Variants in MAGI2 observed in about 807,000 individuals in gnomAD.
The protein encoded by MAGI2 is membrane-associated guanylate kinase, WW and PDZ domain-containing protein 2.
Under a neutral mutation model 133.3 loss-of-function variants are expected in MAGI2, and 35 were observed. The observed-to-expected ratio is 0.26, with a 90% CI of 0.20 to 0.35. The LOEUF (loss-of-function observed/expected upper bound fraction) is 0.35. Among genes scored for constraint, MAGI2 ranks in the 10% least tolerant of loss-of-function variants. The probability of loss-of-function intolerance (pLI) is 1.00; values close to 1 mark genes in which losing one functional copy is unlikely to be tolerated. For missense variants in MAGI2, 1,636 were observed against 1,863.4 expected, an observed-to-expected ratio of 0.88 and a Z score of 2.25; for synonymous variants, 729 against 710.6, an observed-to-expected ratio of 1.03 and a Z score of -0.41.
At chr7:78,488,587 T>A (rs741254) in intron 6 of MAGI2, among the ~76,000 whole-genome samples, 50,455 of 151,736 alleles carry the variant, frequency 0.33, 8,924 homozygotes, top group African/African-American at 0.45. Context: ...AATCATGCTT[T>A]AAAGTTCTGA....
intron 3 of MAGI2, among the ~76,000 whole-genome samples, chr7:78,558,846 T>TTG (rs1800096745): frequency 6.6e-6 from 1 of 151,486 alleles, no homozygotes; most frequent in Admixed American, 6.6e-5. Context: ...CGTTTTTTTT[T>TTG]TTTTTTTTTT....
intron 1 of MAGI2, among the ~76,000 whole-genome samples, chr7:79,058,135 C>A (rs1488569776): frequency 1.3e-5 from 2 of 151,876 alleles, no homozygotes; most frequent in East Asian, 1.9e-4. Context: ...ACTGAGAGAA[C>A]AACAAGGCAA....
At chr7:79,148,899 T>C (rs971875881) in intron 1 of MAGI2, among the ~76,000 whole-genome samples, 2 of 147,286 alleles carry the variant, frequency 1.4e-5, no homozygotes, top group African/African-American at 4.9e-5. Flanking sequence ...TATATATATA[T>C]GTAATTATTT....
At chr7:78,209,114 T>G (rs369871155) in intron 10 of MAGI2, among the ~76,000 whole-genome samples, 1 of 107,442 alleles carries the variant, frequency 9.3e-6, no homozygotes, top group Non-Finnish European at 2.0e-5. Flanking sequence ...CCCAGCTACT[T>G]GGGAGGCTGA....
intron 1 of MAGI2, among the ~76,000 whole-genome samples, chr7:79,442,163 C>A (rs866829876): frequency 3.3e-5 from 5 of 152,268 alleles, no homozygotes; most frequent in Non-Finnish European, 7.4e-5. Flanking sequence ...AATCTGACTT[C>A]TTTTAATCAC....
intron 20 of MAGI2, among the ~76,000 whole-genome samples, chr7:78,083,137 A>T (rs942279289): frequency 6.6e-6 from 1 of 151,860 alleles, no homozygotes; most frequent in African/African-American, 2.4e-5. Context: ...GGGAGAATTA[A>T]TTTTTTAAAA....
At chr7:78,614,671 G>A (rs1320758230) in intron 3 of MAGI2, 1 of 152,056 alleles carries the variant, frequency 6.6e-6, no homozygotes, top group African/African-American at 2.4e-5. Flanking sequence ...TATAATTGTT[G>A]AGACAATTTA....
At position 79,047,227 on chromosome 7, in the gene MAGI2, CATCA is replaced by C. The variant is rs374160027; in HGVS notation, c.302-40025_302-40022del. ...TAACTATATAACATATTTTAAGTTACATCAATCAAACCATTAAAACATGAAAGAT... is the reference window on the plus strand; with the variant it reads ...TAACTATATAACATATTTTAAGTTACATCAAACCATTAAAACATGAAAGAT... On this transcript the variant is annotated intron_variant, in intron 1 of 21. Coordinates refer to ENST00000354212, the MANE Select transcript of MAGI2 (RefSeq NM_012301.4). 2.9e-3 allele frequency among the ~76,000 whole-genome samples: 448 copies of C among 152,180 alleles called. 1 individual carries two copies. The highest frequency in any genetic ancestry group is 0.01 in the African/African-American group (427 of 41,562).
At chr7:78,716,875 A>C (rs544359004) in intron 2 of MAGI2, among the ~76,000 whole-genome samples, 40 of 152,296 alleles carry the variant, frequency 2.6e-4, no homozygotes, top group African/African-American at 9.1e-4. Context: ...TTTACAGCTT[A>C]AAAGGTAAGA....
intron 1 of MAGI2, among the ~76,000 whole-genome samples, chr7:79,291,980 G>A (rs1445065108): frequency 6.6e-6 from 1 of 151,372 alleles, no homozygotes; most frequent in African/African-American, 2.4e-5. Flanking sequence ...GAAATTTTTT[G>A]TTTGCCTAAT....
At chr7:78,270,079 T>C (rs902748477) in intron 9 of MAGI2, among the ~76,000 whole-genome samples, 1 of 152,152 alleles carries the variant, frequency 6.6e-6, no homozygotes, top group Non-Finnish European at 1.5e-5. Flanking sequence ...TGCTGGTAGA[T>C]ATGTGGTGGT....
At chr7:79,336,080 A>G (rs568032358) in intron 1 of MAGI2, among the ~76,000 whole-genome samples, 2 of 152,204 alleles carry the variant, frequency 1.3e-5, no homozygotes, top group East Asian at 1.9e-4. Context: ...AATCAACTCA[A>G]ATTGATAATT....
intron 13 of MAGI2, chr7:78,184,421 A>G (rs994261796): frequency 3.3e-5 from 5 of 152,220 alleles, no homozygotes; most frequent in African/African-American, 9.6e-5. Flanking sequence ...ATGACATGGA[A>G]ACTTACAGAA....
intron 1 of MAGI2, among the ~76,000 whole-genome samples, chr7:79,281,601 G>A (rs893107594): frequency 1.3e-5 from 2 of 152,128 alleles, no homozygotes; most frequent in African/African-American, 4.8e-5. Context: ...AAAAATTGCT[G>A]AGTCATCACT....
At chr7:78,073,654 C>T (rs1814960291) in intron 21 of MAGI2, among the ~76,000 whole-genome samples, 1 of 152,192 alleles carries the variant, frequency 6.6e-6, no homozygotes, top group African/African-American at 2.4e-5. Flanking sequence ...CTCTATTTAC[C>T]TTGGCCCTGA....
chr7:79,387,530 G>A (rs1175936555), intron 1 of MAGI2, among the ~76,000 whole-genome samples: 1 of 151,896 alleles, frequency 6.6e-6, no homozygotes, highest in African/African-American at 2.4e-5. Flanking sequence ...TTTTTTTCCA[G>A]AAATTATTAT....
At chr7:78,937,071 C>T (rs573635645) in intron 2 of MAGI2, among the ~76,000 whole-genome samples, 13 of 151,594 alleles carry the variant, frequency 8.6e-5, no homozygotes, top group South Asian at 6.2e-4. Context: ...ATAGCAGTTC[C>T]GGGGAAGAAA....
At chr7:79,339,253 A>T (rs926789797) in intron 1 of MAGI2, among the ~76,000 whole-genome samples, 1 of 152,138 alleles carries the variant, frequency 6.6e-6, no homozygotes, top group Non-Finnish European at 1.5e-5. Context: ...TTAGCTATTT[A>T]GTAACAGTGT....
At chr7:79,443,983 T>G (rs1396026888) in intron 1 of MAGI2, among the ~76,000 whole-genome samples, 1 of 152,168 alleles carries the variant, frequency 6.6e-6, no homozygotes, top group Non-Finnish European at 1.5e-5. Context: ...TTGATAAAAT[T>G]TCTTCTACAA....
Sources: allele counts gnomAD v4.1 joint callset (sites outside exome capture counted in the v4.1 genomes callset), GRCh38; gene constraint gnomAD v4.1.1; transcripts MANE v1.5; gene names NCBI Gene and HGNC (gene_info 2026-07-23, HGNC 2026-07-21).